MAP1S: variants seen among roughly 807,000 people sequenced by gnomAD.
MAP1S encodes the protein microtubule associated protein 1S, also known as microtubule-associated protein 1S.
MAP1S carries 27 observed loss-of-function variants against 60.9 expected under a neutral mutation model. The observed-to-expected ratio is 0.44, with a 90% confidence interval of 0.33 to 0.61. MAP1S has a LOEUF of 0.61. Among genes scored for constraint, MAP1S ranks in the 20% least tolerant of loss-of-function variants. The pLI is 0.03. For synonymous variants in MAP1S, 826 were observed against 694.2 expected (o/e 1.19, Z -2.98); for missense variants, 1,608 against 1,486.6 (o/e 1.08, Z -1.34).
rs1448910006 is a variant in MAP1S, at chr19:17,725,702, G to A, written c.445-127G>A. On this transcript the variant is annotated intron_variant, in intron 4 of 6. Coordinates refer to ENST00000324096, the MANE Select transcript of MAP1S (RefSeq NM_018174.6). The surrounding 1 kb of genome is among the most constrained non-coding windows in gnomAD (Gnocchi z 4.2). ...GCCTTGTGGCGCTGGAGAGGGTTGG[G>A]TTTTGGCGGGAGGGCCCTGAGGAGC... 8 of 923,452 alleles carry A rather than the reference G, an allele frequency of 8.7e-6. No individual in the cohort carries two copies. The African/African-American group carries it at 1.0e-4, about 12-fold the overall frequency. 57.2% of individuals were successfully genotyped at this position (923,452 alleles called of 1,614,324 possible).
At position 17,724,205 on chromosome 19, in the gene MAP1S, T is replaced by C. The variant is rs1451118426; in HGVS notation, c.300T>C (p.Asp100=). 3.1e-6 allele frequency: 5 copies of C among 1,613,146 alleles called. No homozygotes were observed. Among genetic ancestry groups the C allele is most frequent in the Non-Finnish European group, 3.4e-6 (4 of 1,179,480 alleles). ...LLNPSDKSLY[D]ELRNLLLDPA... ...ACCCATCAGACAAGTCCCTGTATGA[T>C]GAGGTAGGGAATGGCTGACGTCCTG... The change falls in exon 3 of 7, where the codon GAT becomes GAC. Residue 100 remains aspartate, a synonymous_variant. Coordinates refer to ENST00000324096, the MANE Select transcript of MAP1S (RefSeq NM_018174.6).
Position 17,733,313 on chromosome 19 carries a change from G to A in MAP1S, c.2909G>A (p.Arg970His), listed in dbSNP as rs757937252. Reference sequence around the variant, plus strand: ...CTGGTGGATGAGGAGTTCTTCCAGCGCGTGCGCGCGCTCTGCTACGTCATC... The same window carrying A: ...CTGGTGGATGAGGAGTTCTTCCAGCACGTGCGCGCGCTCTGCTACGTCATC... ...AHLVDEEFFQ[R>H]VRALCYVISG... is the part of the protein sequence containing the mutation. The change falls in exon 6 of 7, where the codon CGC becomes CAC. Residue 970 changes from arginine to histidine, a missense_variant. Around this residue, in one of 4 missense-constraint regions of MAP1S, gnomAD observed 1,167 missense variants for 961.4 expected, o/e 1.21. Transcript: ENST00000324096. The A allele has an allele frequency of 2.8e-5, 45 of 1,601,374 alleles. No individual in the cohort carries two copies. The Admixed American group carries it at 3.9e-4, about 14-fold the overall frequency.
chr19:17,727,203 G>A lies in MAP1S; in HGVS notation c.1819G>A (p.Ala607Thr), dbSNP rs1412630072. The A allele has an allele frequency of 6.4e-7, 1 of 1,570,360 alleles. No individual in the cohort carries two copies. The highest frequency in any genetic ancestry group is 8.6e-7 in the Non-Finnish European group (1 of 1,162,524). Residue 607 changes from alanine (A) to threonine (T), a missense_variant, in exon 5 of 7, where the codon GCC becomes ACC. Around this residue, in one of 4 missense-constraint regions of MAP1S, gnomAD observed 1,167 missense variants for 961.4 expected, o/e 1.21. Transcript: ENST00000324096. The surrounding 1 kb of genome is among the most constrained non-coding windows in gnomAD (Gnocchi z 4.1). ...CGGCTCTCCGGCCTCCCAGCTGGTG[G>A]CCACGCCCAGCCTGGAGCTGGGGCC... The part of the protein sequence containing the change: ...ACGSPASQLV[A>T]TPSLELGPIP...
intron 5 of MAP1S, among the ~76,000 whole-genome samples, chr19:17,732,862 G>C (rs2080503663): frequency 6.6e-6 from 1 of 152,176 alleles, no homozygotes; most frequent in Admixed American, 6.6e-5. Context: ...AGGCACAAAG[G>C]GGTGGCCGGT....
rs1471083017 is a variant in MAP1S at position 17,734,449 on chromosome 19, C to G, written c.*21C>G. On this transcript the variant is annotated 3_prime_UTR_variant, in exon 7 of 7. Transcript: ENST00000324096. ...TCTAGCCCCATCGCCGACACGCCCCCCACTCAGCCCAGCCCGCCTGTCCCT... is the reference window on the plus strand; with the variant it reads ...TCTAGCCCCATCGCCGACACGCCCCGCACTCAGCCCAGCCCGCCTGTCCCT... 1.3e-6 allele frequency: 2 copies of G among 1,594,320 alleles called. No individual in the cohort carries two copies. Among genetic ancestry groups the G allele is most frequent in the Non-Finnish European group, 1.7e-6 (2 of 1,168,908 alleles).
rs987458713 is a variant in MAP1S at position 17,731,377 on chromosome 19, T to C, written c.2789-1816T>C. Among the ~76,000 whole-genome samples, 64 of 152,220 alleles carry C rather than the reference T, an allele frequency of 4.2e-4. 1 individual carries two copies. Among genetic ancestry groups the C allele is most frequent in the African/African-American group, 1.5e-3 (62 of 41,464 alleles). ...TGTTGAAAAGACTATCCTTTCCCCA[T>C]TGAATGTTTGGAACGCTTGTTGAAG... On this transcript the variant is annotated intron_variant, in intron 5 of 6. Transcript: ENST00000324096.
chr19:17,733,149 A>C, intron 5 of MAP1S, 44 bp from the exon 6 acceptor site: 36 of 1,176,310 alleles, frequency 3.1e-5, no homozygotes, highest in Non-Finnish European at 3.7e-5. Context: ...GCCCCTCCCC[A>C]GCCCCAGGAG....
In MAP1S at chr19:17,725,141, A is replaced by G. The variant is rs138091544; in HGVS notation, c.396A>G (p.Thr132=). 12 of 1,613,878 alleles carry G rather than the reference A, an allele frequency of 7.4e-6. No individual in the cohort carries two copies. Among genetic ancestry groups the G allele is most frequent in the Admixed American group, 1.7e-5 (1 of 59,984 alleles). Residue 132 remains threonine (T), a synonymous_variant, in exon 4 of 7, where the codon ACA becomes ACG. Transcript: ENST00000324096. The surrounding 1 kb of genome is among the most constrained non-coding windows in gnomAD (Gnocchi z 4.2). ...LEETGELLLQ[T]GGFSPHHFLQ... ...AGACGGGGGAGCTGCTGCTACAGAC[A>G]GGGGGCTTCTCGCCTCACCACTTCC...
Position 17,727,338 on chromosome 19 carries a change from G to A in MAP1S, c.1954G>A (p.Glu652Lys), listed in dbSNP as rs1186578818. 1.9e-6 allele frequency: 3 copies of A among 1,589,122 alleles called. No individual in the cohort carries two copies. Among genetic ancestry groups the A allele is most frequent in the Admixed American group, 1.7e-5 (1 of 57,244 alleles). The change falls in exon 5 of 7, where the codon GAG becomes AAG. Residue 652 changes from glutamate to lysine, a missense_variant. Glu to Lys is a moderately conservative substitution (Grantham distance 56). Around this residue, in one of 4 missense-constraint regions of MAP1S, gnomAD observed 1,167 missense variants for 961.4 expected, o/e 1.21. Coordinates refer to ENST00000324096, the MANE Select transcript of MAP1S (RefSeq NM_018174.6). This position sits in a 1 kb window ranked among gnomAD's most constrained non-coding sequence, Gnocchi z 4.1. Reference sequence around the variant, plus strand: ...CCACCGGAGCCCCGCAGAGGGCAGCGAGCGGCTGTCGCTGAGCCCACTGCG... The same window carrying A: ...CCACCGGAGCCCCGCAGAGGGCAGCAAGCGGCTGTCGCTGAGCCCACTGCG... Reference protein sequence around the residue: ...ESHRSPAEGSERLSLSPLRGG... With the variant: ...ESHRSPAEGSKRLSLSPLRGG...
At position 17,726,952 on chromosome 19, in the gene MAP1S, G is replaced by A. The variant is rs568774592; in HGVS notation, c.1568G>A (p.Arg523Gln). ...RKTEKEAKTPRELKKDPKPSV... is the reference protein window; with the variant it reads ...RKTEKEAKTPQELKKDPKPSV... ...ACTGAGAAAGAAGCCAAGACCCCCC[G>A]GGAGTTGAAGAAAGACCCCAAACCG... Residue 523 changes from arginine (R) to glutamine (Q), a missense_variant, in exon 5 of 7, where the codon CGG becomes CAG. By Grantham distance (43) the Arg-to-Gln change is conservative. Transcript: ENST00000324096. 9.5e-6 allele frequency: 15 copies of A among 1,573,086 alleles called. No homozygotes were observed. The highest frequency in any genetic ancestry group is 9.4e-5 in the Admixed American group (5 of 53,280).
In MAP1S at chr19:17,727,530, G is replaced by C. The variant is rs1017076804; in HGVS notation, c.2146G>C (p.Gly716Arg). The change falls in exon 5 of 7, where the codon GGG (glycine) becomes CGG (arginine). Residue 716 changes from glycine to arginine, a missense_variant. Gly to Arg is a moderately radical substitution (Grantham distance 125). This residue lies in a region of MAP1S where 1,167 missense variants were observed against 961.4 expected (regional missense o/e 1.21). Coordinates refer to ENST00000324096, the MANE Select transcript of MAP1S (RefSeq NM_018174.6). This position sits in a 1 kb window ranked among gnomAD's most constrained non-coding sequence, Gnocchi z 4.1. ...LPPSAPTSEA[G>R]LSLPLRGPRA... ...GCCATCCGCCCCCACCAGTGAGGCTGGGCTGAGCCTCCCGCTGCGTGGCCC... is the reference window on the plus strand; with the variant it reads ...GCCATCCGCCCCCACCAGTGAGGCTCGGCTGAGCCTCCCGCTGCGTGGCCC... 6.2e-7 allele frequency: 1 copy of C among 1,610,274 alleles called. No individual in the cohort carries two copies. Among genetic ancestry groups the C allele is most frequent in the Non-Finnish European group, 8.5e-7 (1 of 1,179,496 alleles).
chr19:17,726,767 C>T lies in MAP1S; in HGVS notation c.1383C>T (p.Pro461=), dbSNP rs527497002. The change falls in exon 5 of 7, where the codon CCC becomes CCT. Residue 461 remains proline (P), a synonymous_variant. Transcript: ENST00000324096. ...TCCTGCGAGAGCCCGTGGTGACGCC[C>T]CAGGACCTGGAGGGGCCGGGGCGAG... ...LRFLREPVVT[P]QDLEGPGRAE... The T allele has an allele frequency of 5.4e-4, 841 of 1,559,330 alleles. 3 individuals carry two copies. Among genetic ancestry groups the T allele is most frequent in the Non-Finnish European group, 3.5e-4 (410 of 1,155,622 alleles).
intron 5 of MAP1S, among the ~76,000 whole-genome samples, chr19:17,731,790 C>G (rs1378009273): frequency 2.6e-5 from 4 of 152,178 alleles, no homozygotes; most frequent in Admixed American, 2.6e-4. Flanking sequence ...CTCTGCCTCC[C>G]GAGTAGCTGG....
chr19:17,723,678 G>T (rs1209157785), intron 2 of MAP1S, among the ~76,000 whole-genome samples: 1 of 152,126 alleles, frequency 6.6e-6, no homozygotes, highest in Non-Finnish European at 1.5e-5. Context: ...GTGAAACCCT[G>T]TCTCTACTAA....
intron 2 of MAP1S, among the ~76,000 whole-genome samples, chr19:17,721,857 G>A (rs756195921): frequency 6.6e-6 from 1 of 152,154 alleles, no homozygotes; most frequent in African/African-American, 2.4e-5. Context: ...AACTCAGCAC[G>A]AGGCTCCCTT....
chr19:17,734,318 T>C lies in MAP1S; in HGVS notation c.3070T>C (p.Tyr1024His). Residue 1024 changes from tyrosine to histidine, a missense_variant, in exon 7 of 7, where the codon TAC (tyrosine) becomes CAC (histidine). Transcript: ENST00000324096. ...CGACTCGGTGGCCATGCATACGTGG[T>C]ACGCAGAGACGCACGCCCGGCACCA... is the stretch of plus-strand genomic sequence containing the variant. ...TFDSVAMHTW[Y>H]AETHARHQAL... The C allele has an allele frequency of 6.2e-7, 1 of 1,613,562 alleles. No homozygotes were observed. Among genetic ancestry groups the C allele is most frequent in the Non-Finnish European group, 8.5e-7 (1 of 1,179,862 alleles).
intron 3 of MAP1S, among the ~76,000 whole-genome samples, chr19:17,724,578 T>C (rs376049614): frequency 4.6e-5 from 7 of 152,206 alleles, no homozygotes; most frequent in African/African-American, 1.7e-4. Context: ...TGTGGCCATC[T>C]GTACTCTACC....
chr19:17,727,981 T>A lies in MAP1S; in HGVS notation c.2597T>A (p.Leu866Gln), dbSNP rs1181195575. 3.7e-6 allele frequency: 6 copies of A among 1,609,508 alleles called. No homozygotes were observed. The highest frequency in any genetic ancestry group is 4.2e-6 in the Non-Finnish European group (5 of 1,178,280). ...AACGTCAGCCGCACCCGGAAGCCCC[T>A]GGCCCGCCCCAACTCACGCGCTGCC... ...TENVSRTRKP[L>Q]ARPNSRAAAP... The change falls in exon 5 of 7, where the codon CTG becomes CAG. Residue 866 changes from leucine to glutamine, a missense_variant. Leu to Gln is a moderately radical substitution (Grantham distance 113, BLOSUM62 -2). Around this residue, in one of 4 missense-constraint regions of MAP1S, gnomAD observed 1,167 missense variants for 961.4 expected, o/e 1.21. Coordinates refer to ENST00000324096, the MANE Select transcript of MAP1S (RefSeq NM_018174.6). This position sits in a 1 kb window ranked among gnomAD's most constrained non-coding sequence, Gnocchi z 4.1.
chr19:17,727,626 C>T lies in MAP1S; in HGVS notation c.2242C>T (p.Arg748Cys), dbSNP rs754821624. The change falls in exon 5 of 7, where the codon CGC becomes TGC. Residue 748 changes from arginine to cysteine, a missense_variant. Physicochemically the swap from Arg to Cys is radical, Grantham distance 180. Around this residue, in one of 4 missense-constraint regions of MAP1S, gnomAD observed 1,167 missense variants for 961.4 expected, o/e 1.21. Coordinates refer to ENST00000324096, the MANE Select transcript of MAP1S (RefSeq NM_018174.6). The surrounding 1 kb of genome is among the most constrained non-coding windows in gnomAD (Gnocchi z 4.1). ...GGTGTCACCCTGTGAATTTGAGCAT[C>T]GCAAGGCGGTGCCAATGGCACCGGC... ...CLVSPCEFEH[R>C]KAVPMAPAPA... 1.2e-5 allele frequency: 19 copies of T among 1,607,844 alleles called. No homozygotes were observed. The highest frequency in any genetic ancestry group is 5.5e-5 in the South Asian group (5 of 91,062).
Sources: allele counts gnomAD v4.1 joint callset (sites outside exome capture counted in the v4.1 genomes callset), GRCh38; gene constraint gnomAD v4.1.1; regional missense constraint gnomAD v4.1.1; non-coding constraint Gnocchi (gnomAD v3.1); transcripts MANE v1.5; gene names NCBI Gene and HGNC (gene_info 2026-07-23, HGNC 2026-07-21).